SYT1: variants seen among roughly 807,000 people sequenced by gnomAD.
SYT1 encodes synaptotagmin 1.
SYT1 carries 8 observed loss-of-function variants against 44.8 expected under a neutral mutation model. That is an observed-to-expected ratio of 0.18 (90% CI 0.10 to 0.32). The LOEUF (loss-of-function observed/expected upper bound fraction) is 0.32. Among genes scored for constraint, SYT1 ranks in the 10% least tolerant of loss-of-function variants. The pLI, the probability that SYT1 is intolerant of heterozygous loss-of-function variation, is 1.00. For missense variants in SYT1, 286 were observed against 509.3 expected, an observed-to-expected ratio of 0.56 and a Z score of 4.22; for synonymous variants, 154 against 188.8, an observed-to-expected ratio of 0.82 and a Z score of 1.51.
At chr12:78,976,992 T>C (rs1868885766) in intron 1 of SYT1, among the ~76,000 whole-genome samples, 2 of 151,976 alleles carry the variant, frequency 1.3e-5, no homozygotes, top group South Asian at 2.1e-4. Context: ...AGTAGAAATA[T>C]GGGGCAAAAT....
At chr12:79,143,050 C>G (rs1869657695) in intron 3 of SYT1, among the ~76,000 whole-genome samples, 2 of 152,002 alleles carry the variant, frequency 1.3e-5, no homozygotes, top group African/African-American at 4.8e-5. Flanking sequence ...GTCTATGATT[C>G]TAAGAAAATC....
intron 1 of SYT1, among the ~76,000 whole-genome samples, chr12:78,898,012 A>G (rs973062148): frequency 2.6e-5 from 4 of 152,034 alleles, no homozygotes; most frequent in Non-Finnish European, 5.9e-5. Context: ...TCACTAACCA[A>G]AACTCCTAAT....
intron 2 of SYT1, among the ~76,000 whole-genome samples, chr12:79,017,613 C>A (rs2137604759): frequency 6.6e-6 from 1 of 152,134 alleles, no homozygotes; most frequent in East Asian, 1.9e-4. Context: ...GAGGGGACTT[C>A]AACCTAGCCA....
At chr12:79,022,549 T>C (rs776580401) in intron 2 of SYT1, among the ~76,000 whole-genome samples, 8 of 151,884 alleles carry the variant, frequency 5.3e-5, no homozygotes, top group Non-Finnish European at 1.0e-4. Flanking sequence ...AAACATTTAA[T>C]AAGATTTGCA....
In SYT1 at chr12:79,120,950, T is replaced by TAG. The variant is rs532772053; in HGVS notation, c.-18+73589_-18+73590insGA. ...GTATGTATATATATCTATATATATATATAGATATATATACACACACACATT... is the reference window on the plus strand; with the variant it reads ...GTATGTATATATATCTATATATATATAGATAGATATATATACACACACACATT... On this transcript the variant is annotated intron_variant, in intron 3 of 10. Transcript: ENST00000261205. Among the ~76,000 whole-genome samples the TAG allele has an allele frequency of 4.4e-4, 65 of 146,682 alleles. 1 individual carries two copies. The highest frequency in any genetic ancestry group is 1.4e-3 in the African/African-American group (55 of 39,518).
At chr12:79,056,741 T>C (rs1874976631) in intron 3 of SYT1, among the ~76,000 whole-genome samples, 1 of 152,110 alleles carries the variant, frequency 6.6e-6, no homozygotes, top group Non-Finnish European at 1.5e-5. Flanking sequence ...TAAAATTTTG[T>C]ATGTGATGTC....
chr12:79,200,377 A>T (rs972610864), intron 3 of SYT1, among the ~76,000 whole-genome samples: 51 of 152,026 alleles, frequency 3.4e-4, no homozygotes, highest in African/African-American at 1.2e-3. Context: ...TTAAAGGAGA[A>T]TTGCCTCCTC....
At chr12:79,197,526 AC>A (rs1332341384) in intron 3 of SYT1, among the ~76,000 whole-genome samples, 1 of 152,160 alleles carries the variant, frequency 6.6e-6, no homozygotes, top group Non-Finnish European at 1.5e-5. Flanking sequence ...ATAATCAAGA[AC>A]ATTTCATCCA....
At chr12:79,120,933 A>G (rs1209979847) in intron 3 of SYT1, among the ~76,000 whole-genome samples, 4 of 146,872 alleles carry the variant, frequency 2.7e-5, no homozygotes, top group South Asian at 2.2e-4. Flanking sequence ...GTGTATGTAT[A>G]TATATCTATA....
At chr12:78,914,788 T>C (rs1876552808) in intron 1 of SYT1, among the ~76,000 whole-genome samples, 1 of 152,086 alleles carries the variant, frequency 6.6e-6, no homozygotes, top group African/African-American at 2.4e-5. Flanking sequence ...TATTTTGTTT[T>C]CTATGTATTT....
At chr12:79,281,962 C>T (rs976048786) in intron 4 of SYT1, among the ~76,000 whole-genome samples, 2 of 152,186 alleles carry the variant, frequency 1.3e-5, no homozygotes, top group African/African-American at 4.8e-5. Flanking sequence ...ATCCATTTCC[C>T]TGCCTTTTCC....
intron 9 of SYT1, among the ~76,000 whole-genome samples, chr12:79,401,480 T>C (rs1237757075): frequency 6.6e-6 from 1 of 152,162 alleles, no homozygotes; most frequent in Non-Finnish European, 1.5e-5. Context: ...CCCTTGATAA[T>C]ACAGCCTATT....
chr12:79,271,464 C>T (rs376235390), intron 4 of SYT1, among the ~76,000 whole-genome samples: 1 of 152,078 alleles, frequency 6.6e-6, no homozygotes. Context: ...GTATTATGTT[C>T]TAAGAGCTGA....
intron 9 of SYT1, among the ~76,000 whole-genome samples, chr12:79,359,215 T>A (rs1298297662): frequency 1.3e-5 from 2 of 152,174 alleles, no homozygotes; most frequent in African/African-American, 4.8e-5. Flanking sequence ...ATGTCAAGCA[T>A]GGGGGCAAGC....
intron 8 of SYT1, among the ~76,000 whole-genome samples, chr12:79,312,362 G>C (rs1880850849): frequency 6.6e-6 from 1 of 152,128 alleles, no homozygotes; most frequent in South Asian, 2.1e-4. Flanking sequence ...AATTATTTCA[G>C]TGAAAAGTAC....
At chr12:79,110,152 CTTTAA>C (rs1565810697) in intron 3 of SYT1, among the ~76,000 whole-genome samples, 2 of 152,208 alleles carry the variant, frequency 1.3e-5, no homozygotes, top group South Asian at 2.1e-4. Context: ...GTAAACCTTA[CTTTAA>C]TTTATCTCCG....
intron 3 of SYT1, among the ~76,000 whole-genome samples, chr12:79,094,353 T>A (rs1416783948): frequency 6.6e-6 from 1 of 151,862 alleles, no homozygotes; most frequent in African/African-American, 2.4e-5. Context: ...GAAAAGCCTT[T>A]GAGTTTGTTA....
intron 5 of SYT1, among the ~76,000 whole-genome samples, chr12:79,288,793 G>A (rs957231948): frequency 2.0e-5 from 3 of 151,974 alleles, no homozygotes; most frequent in Non-Finnish European, 4.4e-5. Context: ...TTCCTTCTAT[G>A]TCCTTATCTG....
At chr12:79,010,557 A>ACACTATT (rs942380716) in intron 2 of SYT1, among the ~76,000 whole-genome samples, 3 of 152,132 alleles carry the variant, frequency 2.0e-5, no homozygotes, top group African/African-American at 4.8e-5. Flanking sequence ...AAAGCCCACT[A>ACACTATT]CACTATTCCC....
Sources: gnomAD v4.1 joint callset for allele counts (sites outside exome capture counted in the v4.1 genomes callset) on GRCh38, gnomAD v4.1.1 for gene constraint, MANE v1.5 for transcripts, NCBI Gene and HGNC (gene_info 2026-07-23, HGNC 2026-07-21) for gene names.